The following RPS6KA2 variants were observed in gnomAD, a reference collection of about 807,000 sequenced individuals.
The protein encoded by RPS6KA2 is ribosomal protein S6 kinase alpha-2.
RPS6KA2 carries 42 observed loss-of-function variants against 91.8 expected under a neutral mutation model. The observed-to-expected ratio is 0.46, with a 90% CI of 0.36 to 0.59. The LOEUF (loss-of-function observed/expected upper bound fraction) is 0.59. RPS6KA2 is among the 20% of genes least tolerant of loss of function. The pLI is 0.00. For missense variants in RPS6KA2, 798 were observed against 978.5 expected, an observed-to-expected ratio of 0.82 and a Z score of 2.46; for synonymous variants, 414 against 393.6, an observed-to-expected ratio of 1.05 and a Z score of -0.61.
At chr6:166,483,895 C>T (rs75789747) in intron 10 of RPS6KA2, among the ~76,000 whole-genome samples, 5,263 of 152,316 alleles carry the variant, frequency 0.035, 110 homozygotes, top group Non-Finnish European at 0.054. Flanking sequence ...ATGACAGGTG[C>T]GCATGCTTGG....
At chr6:166,471,215 C>T (rs1324272978) in intron 10 of RPS6KA2, among the ~76,000 whole-genome samples, 1 of 152,240 alleles carries the variant, frequency 6.6e-6, no homozygotes, top group East Asian at 1.9e-4. Context: ...GTGGTCAGCA[C>T]AGGTGTGGCC....
intron 2 of RPS6KA2, among the ~76,000 whole-genome samples, chr6:166,796,824 G>A (rs796091398): frequency 3.4e-4 from 51 of 150,554 alleles, no homozygotes; most frequent in African/African-American, 1.2e-3. Flanking sequence ...CTGAGTGCAC[G>A]CACGTGGCAC....
chr6:166,532,337 G>A (rs1027128980), intron 2 of RPS6KA2, among the ~76,000 whole-genome samples: 2 of 152,206 alleles, frequency 1.3e-5, no homozygotes, highest in African/African-American at 4.8e-5. Context: ...GAGGGGCAAC[G>A]TCTAGACACT....
chr6:166,438,936 T>C (rs1779430450), intron 14 of RPS6KA2, among the ~76,000 whole-genome samples: 1 of 152,110 alleles, frequency 6.6e-6, no homozygotes, highest in African/African-American at 2.4e-5. Flanking sequence ...AAATTCTCAA[T>C]GAATGAAAAA....
chr6:166,571,050 G>A (rs563066425), intron 1 of RPS6KA2, among the ~76,000 whole-genome samples: 1 of 152,226 alleles, frequency 6.6e-6, no homozygotes, highest in Non-Finnish European at 1.5e-5. Context: ...ACTGCCAGAT[G>A]CTAAACCATG....
At chr6:166,709,540 A>G (rs1315262087) in intron 2 of RPS6KA2, among the ~76,000 whole-genome samples, 1 of 152,252 alleles carries the variant, frequency 6.6e-6, no homozygotes, top group Non-Finnish European at 1.5e-5. Context: ...CTAATCTCAA[A>G]TCACATTGTT....
At chr6:166,479,650 A>G (rs973203693) in intron 10 of RPS6KA2, among the ~76,000 whole-genome samples, 1 of 152,274 alleles carries the variant, frequency 6.6e-6, no homozygotes, top group Non-Finnish European at 1.5e-5. Flanking sequence ...CCCTAAAACA[A>G]CTTTTTAAAA....
chr6:166,783,014 C>G (rs925711098), intron 2 of RPS6KA2, among the ~76,000 whole-genome samples: 3 of 151,622 alleles, frequency 2.0e-5, no homozygotes, highest in Non-Finnish European at 4.4e-5. Flanking sequence ...TTTGGTCAAA[C>G]ACCAGTCTAA....
intron 3 of RPS6KA2, among the ~76,000 whole-genome samples, chr6:166,522,893 T>G (rs919052616): frequency 3.3e-5 from 5 of 152,216 alleles, no homozygotes; most frequent in Non-Finnish European, 1.5e-5. Context: ...AGAATGGGCA[T>G]GACTCCCCAA....
intron 2 of RPS6KA2, among the ~76,000 whole-genome samples, chr6:166,652,500 C>T (rs893150951): frequency 3.3e-5 from 5 of 152,252 alleles, no homozygotes; most frequent in Non-Finnish European, 5.9e-5. Flanking sequence ...GTTGTCTTCT[C>T]GATGGCGCAA....
intron 2 of RPS6KA2, among the ~76,000 whole-genome samples, chr6:166,847,199 C>A (rs1780629207): frequency 6.6e-6 from 1 of 151,682 alleles, no homozygotes; most frequent in Admixed American, 6.6e-5. Context: ...TATACCTAAC[C>A]AAGGAGGTGA....
intron 2 of RPS6KA2, among the ~76,000 whole-genome samples, chr6:166,633,980 CAGAA>C (rs1314237937): frequency 6.6e-6 from 1 of 152,112 alleles, no homozygotes; most frequent in Non-Finnish European, 1.5e-5. Context: ...GAGACGAGAG[CAGAA>C]AGAAAGAGCA....
At chr6:166,549,780 T>TAC (rs1345364619) in intron 1 of RPS6KA2, among the ~76,000 whole-genome samples, 17 of 152,188 alleles carry the variant, frequency 1.1e-4, no homozygotes, top group Non-Finnish European at 2.5e-4. Context: ...AGAACTCATA[T>TAC]ACACACACAC....
chr6:166,486,401 T>A (rs1292564781), intron 10 of RPS6KA2, among the ~76,000 whole-genome samples: 1 of 152,180 alleles, frequency 6.6e-6, no homozygotes, highest in African/African-American at 2.4e-5. Context: ...CATCTCATTG[T>A]CGCCCCCAGC....
rs555525403 is a variant in RPS6KA2 at position 166,618,050 on chromosome 6, G to T, written c.99+8871C>A. 1.6e-4 allele frequency among the ~76,000 whole-genome samples: 24 copies of T among 152,380 alleles called. No homozygotes were observed. In the South Asian group the frequency reaches 4.8e-3, roughly 30 times the overall value. On this transcript the variant is annotated intron_variant, in intron 1 of 20. Transcript: ENST00000265678. ...GAACGTGAAGCTCTGCAGACTCGGA[G>T]CCTGGCCATGCAAGGGGACCTGTGA... is the stretch of plus-strand genomic sequence containing the variant.
At chr6:166,691,130 G>A (rs781777017) in intron 2 of RPS6KA2, among the ~76,000 whole-genome samples, 1 of 152,100 alleles carries the variant, frequency 6.6e-6, no homozygotes, top group African/African-American at 2.4e-5. Context: ...CCTGCGCTCT[G>A]TCATAATGTT....
intron 2 of RPS6KA2, chr6:166,757,938 G>A (rs996308468): frequency 5.3e-6 from 1 of 189,786 alleles, no homozygotes; most frequent in African/African-American, 2.4e-5. Context: ...AATCCCAGCA[G>A]GCTGGAACAC....
intron 2 of RPS6KA2, among the ~76,000 whole-genome samples, chr6:166,651,953 G>T (rs1176831172): frequency 6.6e-6 from 1 of 152,270 alleles, no homozygotes; most frequent in Non-Finnish European, 1.5e-5. Flanking sequence ...GGATGCAGGA[G>T]CATCCGCCTT....
chr6:166,658,081 C>T (rs1788052276), intron 2 of RPS6KA2, among the ~76,000 whole-genome samples: 1 of 152,128 alleles, frequency 6.6e-6, no homozygotes, highest in South Asian at 2.1e-4. Flanking sequence ...GGTGTTTTTC[C>T]ATGTTGGTCA....
Sources: gnomAD v4.1 joint callset for allele counts (sites outside exome capture counted in the v4.1 genomes callset) on GRCh38, gnomAD v4.1.1 for gene constraint, MANE v1.5 for transcripts, NCBI Gene and HGNC (gene_info 2026-07-23, HGNC 2026-07-21) for gene names.